Variants in EP300 observed in about 807,000 individuals in gnomAD.
EP300 encodes the protein histone acetyltransferase p300.
EP300 carries 31 observed loss-of-function variants against 264.0 expected under a neutral mutation model. The observed-to-expected ratio is 0.12, with a 90% CI of 0.09 to 0.16. EP300 has a LOEUF of 0.16. Among genes scored for constraint, EP300 ranks in the 10% least tolerant of loss-of-function variants. The pLI is 1.00. For synonymous variants in EP300, 1,340 were observed against 1,045.4 expected, an observed-to-expected ratio of 1.28 and a Z score of -5.44; for missense variants, 2,766 against 3,052.9, an observed-to-expected ratio of 0.91 and a Z score of 2.21.
intron 3 of EP300, among the ~76,000 whole-genome samples, chr22:41,127,041 G>T (rs980491431): frequency 6.6e-6 from 1 of 151,982 alleles, no homozygotes; most frequent in East Asian, 1.9e-4. Flanking sequence ...ACCGCGCCCG[G>T]CCTGAAATCT....
intron 2 of EP300, among the ~76,000 whole-genome samples, chr22:41,122,998 T>C (rs2058861051): frequency 6.6e-6 from 1 of 152,186 alleles, no homozygotes. Flanking sequence ...ATAATGCAAC[T>C]GCACTCCAAC....
At position 41,151,831 on chromosome 22, in the gene EP300, A is replaced by G; in HGVS notation, c.2818-2A>G. ...ACCTACTTCCCTTTTTTTTCTGCCC[A>G]GCTTTCCCAGCCAGCTGTAAGCATT... On this transcript the variant is annotated splice_acceptor_variant, in intron 14 of 30. Transcript: ENST00000263253. LOFTEE classifies it high-confidence loss of function. The G allele has an allele frequency of 1.2e-6, 2 of 1,614,034 alleles. No homozygotes were observed. The highest frequency in any genetic ancestry group is 1.7e-6 in the Non-Finnish European group (2 of 1,180,002).
At chr22:41,151,230 C>T (rs1282758679) in intron 14 of EP300, among the ~76,000 whole-genome samples, 1 of 151,988 alleles carries the variant, frequency 6.6e-6, no homozygotes, top group Non-Finnish European at 1.5e-5. Flanking sequence ...CTCTGATAGA[C>T]AAGGAAGGAC....
chr22:41,152,410 A>G, intron 16 of EP300, 60 bp downstream of exon 16: 1 of 1,567,518 alleles, frequency 6.4e-7, no homozygotes, highest in Non-Finnish European at 8.7e-7. Context: ...CCCAGGGCAG[A>G]ATTGCGGTCA....
intron 22 of EP300, among the ~76,000 whole-genome samples, chr22:41,165,877 C>T (rs569661975): frequency 6.6e-6 from 1 of 152,164 alleles, no homozygotes; most frequent in African/African-American, 2.4e-5. Context: ...TCAGGCAATT[C>T]TCCTGCCTCA....
intron 2 of EP300, among the ~76,000 whole-genome samples, chr22:41,124,191 G>A (rs2058868029): frequency 6.6e-6 from 1 of 152,254 alleles, no homozygotes; most frequent in African/African-American, 2.4e-5. Flanking sequence ...GTTGCAGTGA[G>A]CCGAAATTGC....
At position 41,178,775 on chromosome 22, in the gene EP300, A is replaced by G. The variant is rs2059220210; in HGVS notation, c.7064A>G (p.Gln2355Arg). 1.9e-6 allele frequency: 3 copies of G among 1,614,134 alleles called. No individual in the cohort carries two copies. Among genetic ancestry groups the G allele is most frequent in the Non-Finnish European group, 2.5e-6 (3 of 1,180,020 alleles). Reference protein sequence around the residue: ...SSPHPGLVAAQANPMEQGHFA... With the variant: ...SSPHPGLVAARANPMEQGHFA... ...CCACATCCTGGACTGGTAGCTGCCC[A>G]GGCCAACCCCATGGAACAAGGGCAT... The change falls in exon 31 of 31, where the codon CAG becomes CGG. Residue 2355 changes from glutamine to arginine, a missense_variant. Transcript: ENST00000263253.
intron 17 of EP300, 76 bp from the exon 18 acceptor site, chr22:41,157,093 A>G (rs1000902460): frequency 2.3e-5 from 36 of 1,584,872 alleles, no homozygotes; most frequent in Middle Eastern, 1.7e-4. Flanking sequence ...AAAATTAACA[A>G]TGATAATGGA....
Position 41,092,889 on chromosome 22 carries a change from G to C in EP300, c.-116G>C, listed in dbSNP as rs917268193. ...AAAAAGGAACTTCCCCCACCCCCTC[G>C]GGTGCCGTCGGAGCCCCCCAGCCCA... On this transcript the variant is annotated 5_prime_UTR_variant, in exon 1 of 31. Coordinates refer to ENST00000263253, the MANE Select transcript of EP300 (RefSeq NM_001429.4). 20 of 1,093,462 alleles carry C rather than the reference G, an allele frequency of 1.8e-5. No homozygotes were observed. In the Admixed American group the frequency reaches 3.1e-4, roughly 17 times the overall value. The allele number at this position is 1,093,462 out of a possible 1,614,324, so 67.7% of individuals were successfully genotyped here. A position where few individuals can be genotyped will look rare whatever the true frequency, so the allele number is the denominator to read the frequency against.
At chr22:41,147,527 G>GGAGATA (rs1462463736) in intron 11 of EP300, among the ~76,000 whole-genome samples, 5 of 152,050 alleles carry the variant, frequency 3.3e-5, no homozygotes, top group African/African-American at 1.2e-4. Context: ...CACAAGGTCA[G>GGAGATA]GAGATAGAGA....
Position 41,127,795 on chromosome 22 carries a change from G to C in EP300, c.1168+47G>C, listed in dbSNP as rs550985067. 2.5e-5 allele frequency: 40 copies of C among 1,609,896 alleles called. 1 individual carries two copies. In the South Asian group the frequency reaches 4.1e-4, roughly 16 times the overall value. On this transcript the variant is annotated intron_variant, in intron 4 of 30. Transcript: ENST00000263253. Reference sequence around the variant, plus strand: ...CTGTACTTAGCAATTTTTACAGCCAGGGAGAAGAAGGAAAATGTGATCAAG... The same window carrying C: ...CTGTACTTAGCAATTTTTACAGCCACGGAGAAGAAGGAAAATGTGATCAAG...
intron 18 of EP300, among the ~76,000 whole-genome samples, chr22:41,157,969 G>T (rs942941649): frequency 1.3e-5 from 2 of 152,210 alleles, no homozygotes; most frequent in African/African-American, 4.8e-5. Flanking sequence ...TCTGGAGTAG[G>T]GGCATTCTTA....
At chr22:41,163,544 C>T (rs1249925748) in intron 21 of EP300, among the ~76,000 whole-genome samples, 4 of 151,578 alleles carry the variant, frequency 2.6e-5, no homozygotes, top group Admixed American at 6.6e-5. Context: ...GTCAAGAGTT[C>T]GAGACCAGCC....
Position 41,178,177 on chromosome 22 carries a change from C to T in EP300, c.6466C>T (p.Pro2156Ser), listed in dbSNP as rs2145520836. ...PQQQPQQQLQ[P>S]PMGGMSPQAQ... ...GCAGCAACCACAGCAGCAACTCCAGCCACCCATGGGAGGGATGAGCCCCCA... is the reference window on the plus strand; with the variant it reads ...GCAGCAACCACAGCAGCAACTCCAGTCACCCATGGGAGGGATGAGCCCCCA... The change falls in exon 31 of 31, where the codon CCA (proline) becomes TCA (serine). Residue 2156 changes from proline (P) to serine (S), a missense_variant. Transcript: ENST00000263253. 6.2e-7 allele frequency: 1 copy of T among 1,614,186 alleles called. No individual in the cohort carries two copies. The highest frequency in any genetic ancestry group is 8.5e-7 in the Non-Finnish European group (1 of 1,180,052).
intron 4 of EP300, among the ~76,000 whole-genome samples, chr22:41,128,486 T>C (rs899796700): frequency 1.3e-5 from 2 of 152,192 alleles, no homozygotes; most frequent in Admixed American, 1.3e-4. Context: ...TACATATGTG[T>C]AATTTTTTAA....
At chr22:41,122,019 A>C (rs527954857) in intron 2 of EP300, among the ~76,000 whole-genome samples, 2 of 152,314 alleles carry the variant, frequency 1.3e-5, no homozygotes, top group Admixed American at 1.3e-4. Flanking sequence ...CATAGGTAGC[A>C]GCAGCACTTG....
intron 1 of EP300, among the ~76,000 whole-genome samples, chr22:41,113,759 G>A (rs1190605884): frequency 6.6e-6 from 1 of 152,152 alleles, no homozygotes; most frequent in Non-Finnish European, 1.5e-5. Flanking sequence ...TGTTATCCAG[G>A]ATGGTCTCGA....
intron 2 of EP300, among the ~76,000 whole-genome samples, chr22:41,123,062 T>C (rs779991920): frequency 6.6e-6 from 1 of 152,002 alleles, no homozygotes; most frequent in Non-Finnish European, 1.5e-5. Flanking sequence ...AAGAAAAATT[T>C]TATTAAGAGC....
intron 23 of EP300, 59 bp from the exon 24 acceptor site, chr22:41,168,390 C>T (rs2145762651): frequency 6.3e-7 from 1 of 1,591,392 alleles, no homozygotes. Flanking sequence ...TGAGGTTGAA[C>T]CTTAAGACTA....
Sources: gnomAD v4.1 joint callset for allele counts (sites outside exome capture counted in the v4.1 genomes callset) on GRCh38, gnomAD v4.1.1 for gene constraint, MANE v1.5 for transcripts, NCBI Gene and HGNC (gene_info 2026-07-23, HGNC 2026-07-21) for gene names.